Variants in RHBDL3 observed in about 807,000 individuals in gnomAD.
RHBDL3 encodes the protein rhomboid like 3, also known as rhomboid-related protein 3.
In RHBDL3, 28 loss-of-function variants were observed where a neutral mutation model predicts 48.2. That is an observed-to-expected ratio of 0.58 (90% CI 0.43 to 0.80). The LOEUF (loss-of-function observed/expected upper bound fraction) is 0.80, where lower values mean the gene tolerates loss of function less well. Among genes scored for constraint, RHBDL3 ranks in the 30% least tolerant of loss-of-function variants. RHBDL3 has a pLI of 0.00. For synonymous variants in RHBDL3, 208 were observed against 232.3 expected (o/e 0.90, Z 0.95); for missense variants, 464 against 542.7 (o/e 0.85, Z 1.44).
At chr17:32,289,957 T>G (rs944100434) in intron 4 of RHBDL3, among the ~76,000 whole-genome samples, 1 of 152,250 alleles carries the variant, frequency 6.6e-6, no homozygotes, top group Non-Finnish European at 1.5e-5. Flanking sequence ...TTTGTTGTTA[T>G]GGCTTCATCC....
At chr17:32,273,432 C>T (rs1020443529) in intron 2 of RHBDL3, among the ~76,000 whole-genome samples, 9 of 152,218 alleles carry the variant, frequency 5.9e-5, no homozygotes, top group African/African-American at 2.2e-4. Context: ...GCCACCAGGC[C>T]ATTCACTTAG....
chr17:32,300,288 C>T (rs2040552062), intron 6 of RHBDL3, among the ~76,000 whole-genome samples: 1 of 152,174 alleles, frequency 6.6e-6, no homozygotes, highest in Admixed American at 6.5e-5. Flanking sequence ...TAGCTCACAC[C>T]TGTAATCCCA....
chr17:32,276,778 T>G lies in RHBDL3; in HGVS notation c.136-7881T>G, dbSNP rs371533247. The stretch of plus-strand genomic sequence containing the variant: ...AGCACAGTACTCCGGCCCTAGCACC[T>G]TACTCCGGCCCTAGCACCTTACTCC... On this transcript the variant is annotated intron_variant, in intron 2 of 8. Transcript: ENST00000269051. 7.8e-4 allele frequency among the ~76,000 whole-genome samples: 35 copies of G among 44,668 alleles called. 1 individual carries two copies. Among genetic ancestry groups the G allele is most frequent in the Middle Eastern group, 0.014 (1 of 72 alleles). The allele number at this position is 44,668 out of a possible 152,430, so 29.3% of individuals were successfully genotyped here.
chr17:32,267,655 G>GCCTCCC, intron 1 of RHBDL3: 1 of 306,120 alleles, frequency 3.3e-6, no homozygotes, highest in South Asian at 5.2e-5. Flanking sequence ...CACCCACCTT[G>GCCTCCC]CCGCCCCCGC....
At chr17:32,283,001 A>C (rs191943613) in intron 2 of RHBDL3, among the ~76,000 whole-genome samples, 1 of 152,330 alleles carries the variant, frequency 6.6e-6, no homozygotes, top group Non-Finnish European at 1.5e-5. Context: ...CTACACACAG[A>C]ATCCACTTTC....
chr17:32,284,606 G>A, intron 2 of RHBDL3, 53 bp from the exon 3 acceptor site: 1 of 1,573,910 alleles, frequency 6.4e-7, no homozygotes, highest in African/African-American at 1.3e-5. Flanking sequence ...CCACATCAGT[G>A]TGAAGAGGAG....
chr17:32,320,010 T>C (rs1038133202), intron 8 of RHBDL3, among the ~76,000 whole-genome samples: 2 of 152,132 alleles, frequency 1.3e-5, no homozygotes, highest in African/African-American at 4.8e-5. Context: ...TGGTGGCTCA[T>C]GCCTATAATC....
intron 7 of RHBDL3, among the ~76,000 whole-genome samples, chr17:32,309,671 TA>T (rs1339889571): frequency 3.3e-5 from 5 of 152,010 alleles, no homozygotes; most frequent in African/African-American, 1.2e-4. Context: ...GTCTCATCGG[TA>T]ATCCCATCTT....
intron 2 of RHBDL3, among the ~76,000 whole-genome samples, chr17:32,275,252 C>T (rs909291491): frequency 2.0e-5 from 3 of 152,310 alleles, no homozygotes; most frequent in East Asian, 1.9e-4. Context: ...CCCCAGGCGG[C>T]GCGTCAGGCT....
chr17:32,316,022 G>T lies in RHBDL3; in HGVS notation c.883-210G>T, dbSNP rs546742271. 1.6e-4 allele frequency among the ~76,000 whole-genome samples: 25 copies of T among 152,170 alleles called. No individual in the cohort carries two copies. The South Asian group carries it at 4.6e-3, about 28-fold the overall frequency. On this transcript the variant is annotated intron_variant, in intron 7 of 8. Transcript: ENST00000269051. ...CCTAGATCTGGAGTCCCTTCCTCTT[G>T]TTAGTCCAGCTCAAGAACTCTTATG...
At chr17:32,294,206 C>T (rs2040399577) in intron 4 of RHBDL3, 88 bp from the exon 5 acceptor site, 1 of 1,098,330 alleles carries the variant, frequency 9.1e-7, no homozygotes. Flanking sequence ...GTGATAACTT[C>T]CTGTAGGGAC....
At chr17:32,301,047 T>A (rs1349429646) in intron 6 of RHBDL3, among the ~76,000 whole-genome samples, 2 of 152,006 alleles carry the variant, frequency 1.3e-5, no homozygotes, top group African/African-American at 4.8e-5. Flanking sequence ...GCCCGGCTAA[T>A]TTTTTTGTAT....
intron 6 of RHBDL3, among the ~76,000 whole-genome samples, chr17:32,298,458 G>A (rs1417761011): frequency 2.6e-5 from 4 of 152,252 alleles, no homozygotes; most frequent in Non-Finnish European, 4.4e-5. Context: ...CTGGACAACC[G>A]ACTCTCGGTC....
Position 32,321,140 on chromosome 17 carries a change from GC to G in RHBDL3, c.1128del (p.Met377CysfsTer22). The G allele has an allele frequency of 6.2e-7, 1 of 1,614,238 alleles. No individual in the cohort carries two copies. Among genetic ancestry groups the G allele is most frequent in the Non-Finnish European group, 8.5e-7 (1 of 1,180,032 alleles). ...QDQSLWWIFV[A>X]MYTVFVLFAV... ...CCAGTCACTGTGGTGGATTTTTGTG[GC>G]CATGTACACCGTCTTCGTGCTGTTC... On this transcript the variant is annotated frameshift_variant, in exon 9 of 9. Coordinates refer to ENST00000269051, the MANE Select transcript of RHBDL3 (RefSeq NM_138328.3). LOFTEE classifies it high-confidence loss of function.
chr17:32,287,855 G>A (rs2150713663), intron 3 of RHBDL3, among the ~76,000 whole-genome samples: 1 of 152,340 alleles, frequency 6.6e-6, no homozygotes, highest in Non-Finnish European at 1.5e-5. Flanking sequence ...GGCCGTGGAA[G>A]GCAGGTGGGA....
At chr17:32,313,223 G>A (rs931064673) in intron 7 of RHBDL3, among the ~76,000 whole-genome samples, 1 of 152,080 alleles carries the variant, frequency 6.6e-6, no homozygotes, top group Admixed American at 6.6e-5. Context: ...AGGTGTGGTG[G>A]CACATGCCCA....
chr17:32,314,518 A>C (rs190716960), intron 7 of RHBDL3, among the ~76,000 whole-genome samples: 279 of 152,196 alleles, frequency 1.8e-3, no homozygotes, highest in African/African-American at 6.1e-3. Flanking sequence ...AAATCCATGG[A>C]GGGGACATTA....
At chr17:32,288,678 A>G in intron 3 of RHBDL3, 114 bp from the exon 4 acceptor site, 1 of 695,564 alleles carries the variant, frequency 1.4e-6, no homozygotes, top group Non-Finnish European at 2.5e-6. Flanking sequence ...CAATTATAGG[A>G]GAAAGGGAAA....
rs137890305 is a variant in RHBDL3, at chr17:32,300,328, G to A, written c.781+2124G>A. ...TTTGGGAGGTCAAGGCAGGAAGATC[G>A]CTTGAGCCCAAGAGTTCCAGGCCAA... On this transcript the variant is annotated intron_variant, in intron 6 of 8. Coordinates refer to ENST00000269051, the MANE Select transcript of RHBDL3 (RefSeq NM_138328.3). 4.5e-4 allele frequency among the ~76,000 whole-genome samples: 69 copies of A among 152,268 alleles called. 1 individual carries two copies. The highest frequency in any genetic ancestry group is 1.6e-3 in the African/African-American group (66 of 41,546).
Sources: allele counts gnomAD v4.1 joint callset (sites outside exome capture counted in the v4.1 genomes callset), GRCh38; gene constraint gnomAD v4.1.1; transcripts MANE v1.5; gene names NCBI Gene and HGNC (gene_info 2026-07-23, HGNC 2026-07-21).